The following OPCML variants were observed in gnomAD, a reference collection of about 807,000 sequenced individuals.
The protein encoded by OPCML is opioid binding protein/cell adhesion molecule like, also known as opioid-binding protein/cell adhesion molecule.
OPCML carries 13 observed loss-of-function variants against 37.8 expected under a neutral mutation model. That is an observed-to-expected ratio of 0.34 (90% CI 0.22 to 0.55). The LOEUF is 0.55. OPCML is among the 20% of genes least tolerant of loss of function. OPCML has a pLI of 0.91. For missense variants in OPCML, 341 were observed against 435.6 expected (o/e 0.78, Z 1.93); for synonymous variants, 176 against 168.8 (o/e 1.04, Z -0.33).
intron 3 of OPCML, among the ~76,000 whole-genome samples, chr11:132,561,036 G>A (rs1006781855): frequency 2.0e-5 from 3 of 152,152 alleles, no homozygotes; most frequent in South Asian, 4.1e-4. Context: ...TCCTAGAATT[G>A]TTGTGGTTCC....
At chr11:133,489,615 T>C (rs1947609012) in intron 1 of OPCML, among the ~76,000 whole-genome samples, 1 of 152,108 alleles carries the variant, frequency 6.6e-6, no homozygotes, top group Non-Finnish European at 1.5e-5. Flanking sequence ...AAAATGCTTA[T>C]ACACTGTTGG....
At chr11:133,237,495 G>A (rs904263801) in intron 1 of OPCML, among the ~76,000 whole-genome samples, 5 of 152,292 alleles carry the variant, frequency 3.3e-5, no homozygotes, top group Non-Finnish European at 7.4e-5. Flanking sequence ...CTTTCTAGAT[G>A]GAGAGAATGG....
At chr11:133,152,976 C>T (rs1217850792) in intron 1 of OPCML, among the ~76,000 whole-genome samples, 1 of 151,872 alleles carries the variant, frequency 6.6e-6, no homozygotes, top group Non-Finnish European at 1.5e-5. Flanking sequence ...CAGCGATTGG[C>T]GAGGGAGCAG....
intron 2 of OPCML, among the ~76,000 whole-genome samples, chr11:132,925,846 C>T (rs1476410547): frequency 6.6e-6 from 1 of 152,182 alleles, no homozygotes; most frequent in Admixed American, 6.5e-5. Flanking sequence ...CCCCAAGCTC[C>T]TTACATGTCA....
intron 1 of OPCML, among the ~76,000 whole-genome samples, chr11:133,081,633 G>A (rs1948718167): frequency 6.6e-6 from 1 of 152,188 alleles, no homozygotes; most frequent in East Asian, 1.9e-4. Flanking sequence ...AAGCCCAATA[G>A]TGTATTAAAT....
intron 2 of OPCML, among the ~76,000 whole-genome samples, chr11:132,787,242 C>A (rs1947245944): frequency 6.6e-6 from 1 of 152,180 alleles, no homozygotes; most frequent in Admixed American, 6.5e-5. Flanking sequence ...ATTCAACGTG[C>A]TCATTAGTGA....
chr11:133,060,568 G>A lies in OPCML; in HGVS notation c.62-117558C>T, dbSNP rs901142026. 3.9e-5 allele frequency among the ~76,000 whole-genome samples: 6 copies of A among 152,346 alleles called. No homozygotes were observed. In the East Asian group the frequency reaches 9.6e-4, roughly 24 times the overall value. On this transcript the variant is annotated intron_variant, in intron 1 of 7. Coordinates refer to ENST00000524381, the MANE Select transcript of OPCML (RefSeq NM_001012393.5). ...AGTAGGTGCAGGCAGGGTGTGGAGGGGAGGGGCAGCCACCAGGCCTTGGCT... is the reference window on the plus strand; with the variant it reads ...AGTAGGTGCAGGCAGGGTGTGGAGGAGAGGGGCAGCCACCAGGCCTTGGCT...
At chr11:133,140,012 C>A (rs1481051801) in intron 1 of OPCML, among the ~76,000 whole-genome samples, 1 of 144,926 alleles carries the variant, frequency 6.9e-6, no homozygotes, top group Non-Finnish European at 1.5e-5. Context: ...TATGGTGAAA[C>A]CCCATCTCAA....
chr11:132,797,514 G>A (rs1938396642), intron 2 of OPCML, among the ~76,000 whole-genome samples: 1 of 152,186 alleles, frequency 6.6e-6, no homozygotes, highest in African/African-American at 2.4e-5. Context: ...CCTCAATAAA[G>A]TGAGTTTCAC....
intron 2 of OPCML, among the ~76,000 whole-genome samples, chr11:132,896,770 G>A (rs902750978): frequency 9.2e-5 from 14 of 152,316 alleles, no homozygotes; most frequent in Non-Finnish European, 1.9e-4. Context: ...GTGGACTTAT[G>A]GGTAAGGCGT....
At chr11:133,370,108 T>G (rs188646885) in intron 1 of OPCML, among the ~76,000 whole-genome samples, 97 of 152,356 alleles carry the variant, frequency 6.4e-4, no homozygotes, top group Middle Eastern at 6.8e-3. Flanking sequence ...ATTAAATTTT[T>G]GACTTGTGGC....
rs369131397 is a variant in OPCML, at chr11:132,825,733, T to G, written c.146+117193A>C. On this transcript the variant is annotated intron_variant, in intron 2 of 7. Coordinates refer to ENST00000524381, the MANE Select transcript of OPCML (RefSeq NM_001012393.5). ...TTTAGCATTCCCAGGGGAAGCTTAT[T>G]AACCTAAATGCATTATTAATTGGTA... Among the ~76,000 whole-genome samples, 28 of 152,324 alleles carry G rather than the reference T, an allele frequency of 1.8e-4. No homozygotes were observed. In the East Asian group the frequency reaches 3.9e-3, roughly 21 times the overall value.
chr11:133,092,865 A>G (rs1948931212), intron 1 of OPCML, among the ~76,000 whole-genome samples: 2 of 152,048 alleles, frequency 1.3e-5, no homozygotes, highest in South Asian at 4.1e-4. Flanking sequence ...AGAGAGAGAG[A>G]GAGGATTTCT....
chr11:132,619,808 C>T (rs1591633475), intron 3 of OPCML, among the ~76,000 whole-genome samples: 1 of 145,352 alleles, frequency 6.9e-6, no homozygotes, highest in African/African-American at 2.6e-5. Flanking sequence ...GCGGAGATCT[C>T]GCTACTGCAC....
intron 1 of OPCML, among the ~76,000 whole-genome samples, chr11:133,225,802 G>A (rs1940012501): frequency 6.6e-6 from 1 of 152,220 alleles, no homozygotes. Context: ...CTCTTATGAA[G>A]TTTCTAGTCT....
intron 4 of OPCML, among the ~76,000 whole-genome samples, chr11:132,468,348 C>T (rs1024886503): frequency 6.6e-6 from 1 of 152,176 alleles, no homozygotes; most frequent in Non-Finnish European, 1.5e-5. Flanking sequence ...TCTCAAGATA[C>T]CTATCAGTGG....
At chr11:133,025,583 T>C in intron 1 of OPCML, 1 of 526,954 alleles carries the variant, frequency 1.9e-6, no homozygotes, top group Non-Finnish European at 2.4e-6. Flanking sequence ...TTTCTTATTA[T>C]TTTAATTTCA....
chr11:132,597,985 C>CT lies in OPCML; in HGVS notation c.379+59101dup, dbSNP rs200576644. On this transcript the variant is annotated intron_variant, in intron 3 of 7. Transcript: ENST00000524381. The stretch of plus-strand genomic sequence containing the variant: ...TGTTTCTTTTCCACTTTACTCATTT[C>CT]TTTTTTTTTCAAGACCCAGTTAAAA... 3.2e-4 allele frequency among the ~76,000 whole-genome samples: 48 copies of CT among 151,148 alleles called. No individual in the cohort carries two copies. The South Asian group carries it at 6.7e-3, about 21-fold the overall frequency.
intron 1 of OPCML, among the ~76,000 whole-genome samples, chr11:133,478,965 T>A (rs967263455): frequency 2.0e-5 from 3 of 152,224 alleles, no homozygotes; most frequent in Non-Finnish European, 4.4e-5. Context: ...CATTTTTCTC[T>A]TGGGCAAATC....
Sources: allele counts gnomAD v4.1 joint callset (sites outside exome capture counted in the v4.1 genomes callset), GRCh38; gene constraint gnomAD v4.1.1; transcripts MANE v1.5; gene names NCBI Gene and HGNC (gene_info 2026-07-23, HGNC 2026-07-21).